KCNK3: variants seen among roughly 807,000 people sequenced by gnomAD.
KCNK3 encodes potassium channel subfamily K member 3.
Under a neutral mutation model 27.3 loss-of-function variants are expected in KCNK3, and 9 were observed. The ratio of observed to expected loss-of-function variants is 0.33; its 90% CI spans 0.20 to 0.57. The LOEUF is 0.57. Among genes scored for constraint, KCNK3 ranks in the 20% least tolerant of loss-of-function variants. The pLI is 0.87. For missense variants in KCNK3, 391 were observed against 577.7 expected, an observed-to-expected ratio of 0.68 and a Z score of 3.31; for synonymous variants, 278 against 273.8, an observed-to-expected ratio of 1.02 and a Z score of -0.15.
rs1663484581 is a variant in KCNK3 at position 26,728,921 on chromosome 2, T to C, written c.*353T>C. Reference sequence around the variant, plus strand: ...CCAGACCCCCACCTTCGGAGGGGACTTCATGTTCCGTGTACGTTTGCATCT... The same window carrying C: ...CCAGACCCCCACCTTCGGAGGGGACCTCATGTTCCGTGTACGTTTGCATCT... On this transcript the variant is annotated 3_prime_UTR_variant, in exon 2 of 2. Transcript: ENST00000302909. The C allele has an allele frequency of 4.2e-6, 1 of 240,686 alleles. No homozygotes were observed. Among genetic ancestry groups the C allele is most frequent in the East Asian group, 7.7e-5 (1 of 12,916 alleles). 14.9% of individuals were successfully genotyped at this position (240,686 alleles called of 1,614,324 possible).
chr2:26,727,643 C>G, intron 1 of KCNK3, 24 bp from the exon 2 acceptor site: 1 of 1,511,364 alleles, frequency 6.6e-7, no homozygotes, highest in African/African-American at 1.4e-5. Flanking sequence ...TGTGCTTTTT[C>G]TCCTCTTTCC....
intron 1 of KCNK3, among the ~76,000 whole-genome samples, chr2:26,716,990 G>T (rs895456038): frequency 6.6e-6 from 1 of 152,168 alleles, no homozygotes; most frequent in African/African-American, 2.4e-5. Context: ...CCATTGTCAC[G>T]TAGTATCCAT....
In KCNK3 at chr2:26,693,053, G is replaced by A; in HGVS notation, c.178G>A (p.Glu60Lys). 1.9e-6 allele frequency: 3 copies of A among 1,602,256 alleles called. No homozygotes were observed. The highest frequency in any genetic ancestry group is 1.7e-4 in the Middle Eastern group (1 of 5,902). The change falls in exon 1 of 2, where the codon GAG becomes AAG. Residue 60 changes from glutamate to lysine, a missense_variant. Coordinates refer to ENST00000302909, the MANE Select transcript of KCNK3 (RefSeq NM_002246.3). The surrounding 1 kb of genome is among the most constrained non-coding windows in gnomAD (Gnocchi z 5.5). Reference protein sequence around the residue: ...ARYNLSQGGYEELERVVLRLK... With the variant: ...ARYNLSQGGYKELERVVLRLK... ...CTACAACCTCAGCCAGGGCGGCTACGAGGAGCTGGAGCGCGTCGTGCTGCG... is the reference window on the plus strand; with the variant it reads ...CTACAACCTCAGCCAGGGCGGCTACAAGGAGCTGGAGCGCGTCGTGCTGCG...
At chr2:26,711,322 G>A (rs1663105724) in intron 1 of KCNK3, among the ~76,000 whole-genome samples, 2 of 152,208 alleles carry the variant, frequency 1.3e-5, no homozygotes, top group African/African-American at 4.8e-5. Flanking sequence ...CTGAACTGGT[G>A]CAGACATCAA....
At position 26,712,666 on chromosome 2, in the gene KCNK3, A is replaced by AGTGTGTGT. The variant is rs4007222; in HGVS notation, c.284-14976_284-14969dup. 2.0e-3 allele frequency among the ~76,000 whole-genome samples: 293 copies of AGTGTGTGT among 145,698 alleles called. 1 individual carries two copies. The highest frequency in any genetic ancestry group is 6.9e-3 in the African/African-American group (273 of 39,548). ...CAGTAGGGGAGAGGCTGGGTGTTGG[A>AGTGTGTGT]GTGTGTGTGTGTGTGTGTGTGTGTG... On this transcript the variant is annotated intron_variant, in intron 1 of 1. Transcript: ENST00000302909.
chr2:26,709,105 C>T (rs1301299402), intron 1 of KCNK3, among the ~76,000 whole-genome samples: 2 of 152,136 alleles, frequency 1.3e-5, no homozygotes, highest in Non-Finnish European at 2.9e-5. Context: ...TGTGCATTTA[C>T]TAGATGGAAA....
chr2:26,695,516 G>A (rs73920340), intron 1 of KCNK3, among the ~76,000 whole-genome samples: 2,462 of 152,276 alleles, frequency 0.016, 50 homozygotes, highest in African/African-American at 0.048. Context: ...TGGGTGACAC[G>A]CTGTTGGCTG....
intron 1 of KCNK3, among the ~76,000 whole-genome samples, chr2:26,694,584 C>T (rs1049890576): frequency 3.3e-5 from 5 of 152,084 alleles, no homozygotes; most frequent in African/African-American, 4.8e-5. Context: ...GAGGAAAGGG[C>T]CCTGGGAGTG....
At chr2:26,726,728 T>C (rs1340141762) in intron 1 of KCNK3, among the ~76,000 whole-genome samples, 1 of 123,678 alleles carries the variant, frequency 8.1e-6, no homozygotes, top group Non-Finnish European at 1.6e-5. Context: ...GGCTTTGGAA[T>C]GGCTGGTGCA....
At chr2:26,705,124 C>T (rs1670356677) in intron 1 of KCNK3, among the ~76,000 whole-genome samples, 1 of 152,084 alleles carries the variant, frequency 6.6e-6, no homozygotes, top group Admixed American at 6.6e-5. Flanking sequence ...GCCACTACAC[C>T]CAGCTAATTT....
intron 1 of KCNK3, among the ~76,000 whole-genome samples, chr2:26,717,780 A>G (rs1663257978): frequency 6.6e-6 from 1 of 152,024 alleles, no homozygotes; most frequent in Non-Finnish European, 1.5e-5. Context: ...GTGGTGTGGC[A>G]TTGCCTGCTT....
At chr2:26,722,667 GCTAATCAGA>G (rs1300469361) in intron 1 of KCNK3, among the ~76,000 whole-genome samples, 4 of 152,198 alleles carry the variant, frequency 2.6e-5, no homozygotes, top group African/African-American at 9.6e-5. Context: ...ATTATCTCAG[GCTAATCAGA>G]CTTTCTGACT....
chr2:26,715,038 C>G (rs189121889), intron 1 of KCNK3, among the ~76,000 whole-genome samples: 31 of 152,338 alleles, frequency 2.0e-4, no homozygotes, highest in African/African-American at 6.7e-4. Flanking sequence ...ACTCACTCAG[C>G]CCAGTCTCCT....
chr2:26,696,277 C>T (rs1362891970), intron 1 of KCNK3, among the ~76,000 whole-genome samples: 2 of 152,202 alleles, frequency 1.3e-5, no homozygotes, highest in African/African-American at 2.4e-5. Context: ...TGGATGAAGG[C>T]GTGAAGGCTC....
At chr2:26,720,367 G>A (rs2148266879) in intron 1 of KCNK3, among the ~76,000 whole-genome samples, 1 of 152,342 alleles carries the variant, frequency 6.6e-6, no homozygotes, top group African/African-American at 2.4e-5. Flanking sequence ...GCCCTGGGGT[G>A]CCTCTGAGGG....
chr2:26,725,515 G>A (rs979116497), intron 1 of KCNK3, among the ~76,000 whole-genome samples: 2 of 151,464 alleles, frequency 1.3e-5, no homozygotes, highest in African/African-American at 4.9e-5. Flanking sequence ...TCTCCACCAA[G>A]TAGTGCCGGC....
intron 1 of KCNK3, among the ~76,000 whole-genome samples, chr2:26,698,958 C>A (rs1031626435): frequency 6.6e-6 from 1 of 152,030 alleles, no homozygotes; most frequent in African/African-American, 2.4e-5. Context: ...GGGCAGATCG[C>A]GTGAGGTCAG....
At position 26,693,082 on chromosome 2, in the gene KCNK3, C is replaced by T. The variant is rs977915621; in HGVS notation, c.207C>T (p.Leu69=). 5.0e-6 allele frequency: 8 copies of T among 1,603,772 alleles called. No individual in the cohort carries two copies. Among genetic ancestry groups the T allele is most frequent in the Non-Finnish European group, 5.9e-6 (7 of 1,176,684 alleles). ...YEELERVVLR[L]KPHKAGVQWR... ...AGCTGGAGCGCGTCGTGCTGCGCCT[C>T]AAGCCGCACAAGGCCGGCGTGCAGT... Residue 69 remains leucine (L), a synonymous_variant, in exon 1 of 2, where the codon CTC becomes CTT. Transcript: ENST00000302909. The surrounding 1 kb of genome is among the most constrained non-coding windows in gnomAD (Gnocchi z 5.5).
chr2:26,717,830 G>C (rs901993794), intron 1 of KCNK3, among the ~76,000 whole-genome samples: 2 of 152,204 alleles, frequency 1.3e-5, no homozygotes, highest in Non-Finnish European at 2.9e-5. Flanking sequence ...TCTCCATTCT[G>C]TTCAAACCTC....
Sources: allele counts gnomAD v4.1 joint callset (sites outside exome capture counted in the v4.1 genomes callset), GRCh38; gene constraint gnomAD v4.1.1; non-coding constraint Gnocchi (gnomAD v3.1); transcripts MANE v1.5; gene names NCBI Gene and HGNC (gene_info 2026-07-23, HGNC 2026-07-21).